Variants in G3BP2 observed in about 807,000 individuals in gnomAD.
G3BP2 encodes G3BP stress granule assembly factor 2.
A neutral mutation model predicts 56.7 loss-of-function variants in G3BP2; 11 were observed. The observed-to-expected ratio is 0.19, with a 90% CI of 0.12 to 0.32. The LOEUF (loss-of-function observed/expected upper bound fraction) is 0.32. G3BP2 is among the 10% of genes least tolerant of loss of function. The probability of loss-of-function intolerance (pLI) is 1.00; values close to 1 mark genes in which losing one functional copy is unlikely to be tolerated. For synonymous variants in G3BP2, 165 were observed against 191.6 expected, an observed-to-expected ratio of 0.86 and a Z score of 1.15; for missense variants, 340 against 610.9, an observed-to-expected ratio of 0.56 and a Z score of 4.67.
At chr4:75,722,239 G>A (rs1720204860) in exon 2 of G3BP2, among the ~76,000 whole-genome samples, 1 of 152,108 alleles carries the variant, frequency 6.6e-6, no homozygotes, top group African/African-American at 2.4e-5. Context: ...TCCTGTGCAG[G>A]GGATGCTGCT....
At position 75,657,625 on chromosome 4, in the gene G3BP2, T is replaced by G. The variant is rs1732214196; in HGVS notation, c.283A>C (p.Met95Leu). 6.2e-7 allele frequency: 1 copy of G among 1,613,480 alleles called. No individual in the cohort carries two copies. The highest frequency in any genetic ancestry group is 1.1e-5 in the South Asian group (1 of 91,072). Residue 95 changes from methionine (M) to leucine (L), a missense_variant, in exon 4 of 12, where the codon ATG (methionine) becomes CTG (leucine). Met to Leu is a conservative substitution (Grantham distance 15, BLOSUM62 2). Around this residue, in one of 4 missense-constraint regions of G3BP2, gnomAD observed 224 missense variants for 332.5 expected, o/e 0.67. Coordinates refer to ENST00000359707, the MANE Select transcript of G3BP2 (RefSeq NM_203505.3). ...TGTCCACTGTTAGACAGCAAACCCA[T>G]GACCTGGACAACTACTCCATCACTC... Reference protein sequence around the residue: ...TLSDGVVVQVMGLLSNSGQPE... With the variant: ...TLSDGVVVQVLGLLSNSGQPE...
At chr4:75,670,994 T>C (rs1411291762) in intron 1 of G3BP2, among the ~76,000 whole-genome samples, 1 of 152,140 alleles carries the variant, frequency 6.6e-6, no homozygotes, top group African/African-American at 2.4e-5. Context: ...TCAATATACC[T>C]ATGGTTTCAA....
chr4:75,662,202 A>C, intron 1 of G3BP2, 153 bp from the exon 2 acceptor site: 2 of 503,290 alleles, frequency 4.0e-6, no homozygotes, highest in Non-Finnish European at 3.6e-6. Context: ...ACCCACTACC[A>C]TCAGACTAAC....
chr4:75,645,418 A>G lies in G3BP2; in HGVS notation c.*12T>C, dbSNP rs1186457429. On this transcript the variant is annotated 3_prime_UTR_variant, in exon 12 of 12. Transcript: ENST00000359707. ...AATGTACCACTGCCAAGACTTTGCCAACAGTGGAGCTTCAGCGACGCTGTC... is the reference window on the plus strand; with the variant it reads ...AATGTACCACTGCCAAGACTTTGCCGACAGTGGAGCTTCAGCGACGCTGTC... 2 of 1,607,842 alleles carry G rather than the reference A, an allele frequency of 1.2e-6. No individual in the cohort carries two copies. Among genetic ancestry groups the G allele is most frequent in the African/African-American group, 1.3e-5 (1 of 74,580 alleles).
At chr4:75,673,468 G>A, upstream of G3BP2, 1 of 1,232,218 alleles carries the variant, frequency 8.1e-7, no homozygotes, top group Non-Finnish European at 1.0e-6. Context: ...GAAAGGGCCA[G>A]GGAACCCCCG....
chr4:75,698,313 G>T (rs1422083220), intron 3 of G3BP2, among the ~76,000 whole-genome samples: 1 of 152,164 alleles, frequency 6.6e-6, no homozygotes, highest in Admixed American at 6.6e-5. Context: ...GAAGACGAAG[G>T]AAGGAGCCAT....
intron 2 of G3BP2, among the ~76,000 whole-genome samples, chr4:75,659,776 C>T (rs1020491558): frequency 6.6e-6 from 1 of 152,166 alleles, no homozygotes; most frequent in Non-Finnish European, 1.5e-5. Flanking sequence ...ATATACCTAT[C>T]AAGTGGGGCA....
rs188284444 is a variant in G3BP2, at chr4:75,646,277, C to T, written c.1176+61G>A. 895 of 770,164 alleles carry T rather than the reference C, an allele frequency of 1.2e-3. No individual in the cohort carries two copies. Among genetic ancestry groups the T allele is most frequent in the Non-Finnish European group, 1.8e-3 (796 of 453,638 alleles). The allele number at this position is 770,164 out of a possible 1,614,324, so 47.7% of individuals were successfully genotyped here. A position where few individuals can be genotyped will look rare whatever the true frequency, so the allele number is the denominator to read the frequency against. On this transcript the variant is annotated intron_variant, in intron 11 of 11. Transcript: ENST00000359707. ...AGATTTTCTATGGTTTTTAAATACC[C>T]CAAATTAATATATACAACAGAAATA...
chr4:75,660,732 C>T (rs1420256497), intron 2 of G3BP2, among the ~76,000 whole-genome samples: 1 of 152,206 alleles, frequency 6.6e-6, no homozygotes, highest in African/African-American at 2.4e-5. Flanking sequence ...AACAGCCTTT[C>T]TCACAGTAAG....
chr4:75,703,131 C>T (rs1719410607), intron 3 of G3BP2, among the ~76,000 whole-genome samples: 1 of 152,242 alleles, frequency 6.6e-6, no homozygotes, highest in Non-Finnish European at 1.5e-5. Flanking sequence ...TGATTGTAAT[C>T]TGGCTTCCCT....
chr4:75,674,185 A>G (rs1733738914), upstream of G3BP2, among the ~76,000 whole-genome samples: 1 of 152,236 alleles, frequency 6.6e-6, no homozygotes, highest in Non-Finnish European at 1.5e-5. Flanking sequence ...CTTGTAGTCA[A>G]GGAAGCCACT....
chr4:75,698,239 G>A (rs879345924), intron 3 of G3BP2, among the ~76,000 whole-genome samples: 4 of 152,296 alleles, frequency 2.6e-5, no homozygotes, highest in Admixed American at 2.6e-4. Context: ...ATGTTAGAGA[G>A]AAGGCTATGT....
Position 75,650,471 on chromosome 4 carries a change from T to C in G3BP2, c.826-1730A>G, listed in dbSNP as rs567263340. Among the ~76,000 whole-genome samples, 137 of 147,204 alleles carry C rather than the reference T, an allele frequency of 9.3e-4. 1 individual carries two copies. The highest frequency in any genetic ancestry group is 3.1e-3 in the African/African-American group (123 of 39,688). On this transcript the variant is annotated intron_variant, in intron 8 of 11. Transcript: ENST00000359707. ...GCTTCTTTCAAAAATGACAATTTAATGTAAATGATTTCAGCCACTGTAACC... is the reference window on the plus strand; with the variant it reads ...GCTTCTTTCAAAAATGACAATTTAACGTAAATGATTTCAGCCACTGTAACC...
intron 3 of G3BP2, among the ~76,000 whole-genome samples, chr4:75,694,148 G>A (rs79012165): frequency 2.5e-3 from 384 of 152,268 alleles, no homozygotes; most frequent in African/African-American, 8.8e-3. Flanking sequence ...GGAGAAAAAC[G>A]TGGAAGAAGA....
intron 6 of G3BP2, 92 bp from the exon 7 acceptor site, chr4:75,655,338 T>C: frequency 1.2e-6 from 1 of 866,578 alleles, no homozygotes; most frequent in South Asian, 1.5e-5. Flanking sequence ...ACTAGTTATA[T>C]GCCAATAACT....
intron 3 of G3BP2, among the ~76,000 whole-genome samples, chr4:75,695,087 A>G (rs1231776625): frequency 6.6e-6 from 1 of 152,238 alleles, no homozygotes; most frequent in African/African-American, 2.4e-5. Flanking sequence ...GGGAAAAAAC[A>G]CAACAGGATT....
At chr4:75,693,466 G>A (rs1336818363) in intron 3 of G3BP2, among the ~76,000 whole-genome samples, 1 of 151,708 alleles carries the variant, frequency 6.6e-6, no homozygotes, top group Non-Finnish European at 1.5e-5. Flanking sequence ...AGCCTCTCCA[G>A]GTATCTGAGT....
chr4:75,645,637 C>T lies in G3BP2; in HGVS notation c.1242G>A (p.Glu414=). 9 of 1,614,096 alleles carry T rather than the reference C, an allele frequency of 5.6e-6. No individual in the cohort carries two copies. Among genetic ancestry groups the T allele is most frequent in the East Asian group, 2.2e-5 (1 of 44,882 alleles). ...VEEKKTRAAR[E]RETRGGGDDR... is the part of the protein sequence containing the mutation. Reference sequence around the variant, plus strand: ...CATCACCACCACCTCTGGTTTCTCGCTCTCTTGCAGCTCTTGTTTTTTTCT... The same window carrying T: ...CATCACCACCACCTCTGGTTTCTCGTTCTCTTGCAGCTCTTGTTTTTTTCT... Residue 414 remains glutamate (E), a synonymous_variant, in exon 12 of 12, where the codon GAG becomes GAA. Transcript: ENST00000359707.
At chr4:75,650,658 C>T (rs1731623121) in intron 8 of G3BP2, among the ~76,000 whole-genome samples, 1 of 152,034 alleles carries the variant, frequency 6.6e-6, no homozygotes, top group Non-Finnish European at 1.5e-5. Flanking sequence ...TAACTCTCTC[C>T]AGGTTTTGTT....
Sources: gnomAD v4.1 joint callset for allele counts (sites outside exome capture counted in the v4.1 genomes callset) on GRCh38, gnomAD v4.1.1 for gene constraint, gnomAD v4.1.1 regional missense constraint, MANE v1.5 for transcripts, NCBI Gene and HGNC (gene_info 2026-07-23, HGNC 2026-07-21) for gene names.